The following STAG1 variants were observed in gnomAD, a reference collection of about 807,000 sequenced individuals.
STAG1 encodes STAG1 cohesin complex component.
Under a neutral mutation model 170.9 loss-of-function variants are expected in STAG1, and 26 were observed. That is an observed-to-expected ratio of 0.15 (90% CI 0.11 to 0.21). The LOEUF (loss-of-function observed/expected upper bound fraction) is 0.21, where lower values mean the gene tolerates loss of function less well. Among genes scored for constraint, STAG1 ranks in the 10% least tolerant of loss-of-function variants. STAG1 has a pLI of 1.00. For missense variants in STAG1, 964 were observed against 1,509.5 expected, an observed-to-expected ratio of 0.64 and a Z score of 5.99; for synonymous variants, 514 against 497.7, an observed-to-expected ratio of 1.03 and a Z score of -0.44.
At chr3:136,702,927 G>C (rs539160697) in intron 1 of STAG1, among the ~76,000 whole-genome samples, 75 of 151,876 alleles carry the variant, frequency 4.9e-4, no homozygotes, top group Non-Finnish European at 3.2e-4. Flanking sequence ...AATTAGCTGG[G>C]CATGGTGGCG....
At chr3:136,718,901 T>G (rs1403529138) in intron 1 of STAG1, among the ~76,000 whole-genome samples, 1 of 151,970 alleles carries the variant, frequency 6.6e-6, no homozygotes, top group Non-Finnish European at 1.5e-5. Context: ...CACTCCATCC[T>G]GGGTGACAGA....
intron 4 of STAG1, among the ~76,000 whole-genome samples, chr3:136,581,507 C>A (rs1305728167): frequency 1.3e-5 from 2 of 152,156 alleles, no homozygotes; most frequent in Non-Finnish European, 2.9e-5. Flanking sequence ...CCATTTTAAT[C>A]TTTCAAATGA....
chr3:136,526,863 G>C lies in STAG1; in HGVS notation c.472-5446C>G, dbSNP rs578157301. On this transcript the variant is annotated intron_variant, in intron 6 of 33. Coordinates refer to ENST00000383202, the MANE Select transcript of STAG1 (RefSeq NM_005862.3). ...TCCTTCACTCATGAAGCTTAGTTTGGCTGGATATGAAATTCTGGGTTGAAA... is the reference window on the plus strand; with the variant it reads ...TCCTTCACTCATGAAGCTTAGTTTGCCTGGATATGAAATTCTGGGTTGAAA... Among the ~76,000 whole-genome samples the C allele has an allele frequency of 2.6e-4, 40 of 152,208 alleles. No homozygotes were observed. In the Middle Eastern group the frequency reaches 0.01, roughly 39 times the overall value.
chr3:136,486,982 ATTTT>A (rs111653729), intron 9 of STAG1, among the ~76,000 whole-genome samples: 2 of 101,258 alleles, frequency 2.0e-5, no homozygotes, highest in Non-Finnish European at 3.8e-5. Flanking sequence ...TGCAATGCCG[ATTTT>A]TTTTTATTTC....
At chr3:136,352,074 T>C (rs907162688) in intron 28 of STAG1, among the ~76,000 whole-genome samples, 5 of 152,200 alleles carry the variant, frequency 3.3e-5, no homozygotes, top group African/African-American at 9.6e-5. Flanking sequence ...AACGAGAAAA[T>C]AATATCAACC....
intron 1 of STAG1, among the ~76,000 whole-genome samples, chr3:136,723,752 C>A (rs1267208630): frequency 6.8e-6 from 1 of 145,998 alleles, no homozygotes; most frequent in Non-Finnish European, 1.5e-5. Context: ...AGCCCCTCTG[C>A]CCGGCCAGCC....
rs1253821820 is a variant in STAG1, at chr3:136,473,500, A to C, written c.1125+39T>G. ...AACTAGCTGTAACTAGCATTTGTAAAGAGAAAAATTAAATAAGCTTATCAT... is the reference window on the plus strand; with the variant it reads ...AACTAGCTGTAACTAGCATTTGTAACGAGAAAAATTAAATAAGCTTATCAT... On this transcript the variant is annotated intron_variant, in intron 11 of 33. Coordinates refer to ENST00000383202, the MANE Select transcript of STAG1 (RefSeq NM_005862.3). 19 of 1,455,652 alleles carry C rather than the reference A, an allele frequency of 1.3e-5. No homozygotes were observed. The African/African-American group carries it at 1.4e-4, about 11-fold the overall frequency. The allele number at this position is 1,455,652 out of a possible 1,614,324, so 90.2% of individuals were successfully genotyped here.
At chr3:136,348,582 T>TC (rs938283905) in intron 29 of STAG1, among the ~76,000 whole-genome samples, 11 of 152,138 alleles carry the variant, frequency 7.2e-5, no homozygotes, top group African/African-American at 2.4e-4. Context: ...ATTTTTTTTT[T>TC]CTTAGAGATG....
rs546917370 is a variant in STAG1, at chr3:136,338,952, G to A, written c.3673-502C>T. Among the ~76,000 whole-genome samples, 9 of 152,240 alleles carry A rather than the reference G, an allele frequency of 5.9e-5. No homozygotes were observed. In the South Asian group the frequency reaches 1.2e-3, roughly 21 times the overall value. ...CACAACATACAAAGCAAAATGTTAC[G>A]GGCTGAATTATGTCCCTTCAAAATG... On this transcript the variant is annotated intron_variant, in intron 32 of 33. Coordinates refer to ENST00000383202, the MANE Select transcript of STAG1 (RefSeq NM_005862.3).
intron 5 of STAG1, among the ~76,000 whole-genome samples, chr3:136,549,816 A>G (rs1204159077): frequency 6.6e-6 from 1 of 152,082 alleles, no homozygotes; most frequent in Non-Finnish European, 1.5e-5. Context: ...CTTTGTATAT[A>G]TGGCCATTAT....
chr3:136,748,035 A>G (rs982657629), intron 1 of STAG1, among the ~76,000 whole-genome samples: 1 of 150,464 alleles, frequency 6.6e-6, no homozygotes, highest in Non-Finnish European at 1.5e-5. Context: ...TTGGCCTCCC[A>G]AAGTGCTGGG....
At chr3:136,610,655 T>A (rs1406909597) in intron 3 of STAG1, among the ~76,000 whole-genome samples, 2 of 152,194 alleles carry the variant, frequency 1.3e-5, no homozygotes, top group East Asian at 3.8e-4. Flanking sequence ...ACTTTTTTTT[T>A]AGATTTTCAG....
At chr3:136,721,666 G>T (rs1282760411) in intron 1 of STAG1, among the ~76,000 whole-genome samples, 2 of 152,092 alleles carry the variant, frequency 1.3e-5, no homozygotes, top group Non-Finnish European at 2.9e-5. Context: ...GAGGCGGGCG[G>T]ATCACGAGGT....
At chr3:136,619,498 C>T (rs1939745481) in intron 3 of STAG1, among the ~76,000 whole-genome samples, 1 of 151,968 alleles carries the variant, frequency 6.6e-6, no homozygotes, top group African/African-American at 2.4e-5. Flanking sequence ...TGGCTCACGC[C>T]TGTAATCCCA....
intron 1 of STAG1, among the ~76,000 whole-genome samples, chr3:136,718,781 G>A (rs1243812338): frequency 6.6e-6 from 1 of 152,014 alleles, no homozygotes; most frequent in Non-Finnish European, 1.5e-5. Context: ...AAAAAAATTG[G>A]CCAAGTGTGG....
intron 1 of STAG1, among the ~76,000 whole-genome samples, chr3:136,680,382 C>A (rs962686196): frequency 6.6e-6 from 1 of 151,990 alleles, no homozygotes; most frequent in Non-Finnish European, 1.5e-5. Flanking sequence ...TTTTAAAAAT[C>A]TTCACATAAA....
chr3:136,734,125 A>G (rs945227835), intron 1 of STAG1, among the ~76,000 whole-genome samples: 1 of 150,370 alleles, frequency 6.7e-6, no homozygotes, highest in African/African-American at 2.4e-5. Context: ...AAAAAAAAAC[A>G]AAACAAAACA....
At chr3:136,512,140 A>G (rs1029564221) in intron 7 of STAG1, among the ~76,000 whole-genome samples, 2 of 150,632 alleles carry the variant, frequency 1.3e-5, no homozygotes, top group African/African-American at 4.9e-5. Context: ...AGGAAAAGGA[A>G]AAAGAAAGAA....
intron 21 of STAG1, among the ~76,000 whole-genome samples, chr3:136,410,368 C>A (rs1464441313): frequency 1.3e-5 from 2 of 152,096 alleles, no homozygotes; most frequent in African/African-American, 4.8e-5. Context: ...CACACCACTA[C>A]ACTCCAGCCT....
Sources: allele counts gnomAD v4.1 joint callset (sites outside exome capture counted in the v4.1 genomes callset), GRCh38; gene constraint gnomAD v4.1.1; transcripts MANE v1.5; gene names NCBI Gene and HGNC (gene_info 2026-07-23, HGNC 2026-07-21).